Variants in DAB1 observed in about 807,000 individuals in gnomAD.
DAB1 encodes disabled homolog 1.
In DAB1, 15 loss-of-function variants were observed where a neutral mutation model predicts 64.6. The ratio of observed to expected loss-of-function variants is 0.23; its 90% confidence interval spans 0.16 to 0.36. The LOEUF (loss-of-function observed/expected upper bound fraction) is 0.36. DAB1 is among the 10% of genes least tolerant of loss of function. The pLI, the probability that DAB1 is intolerant of heterozygous loss-of-function variation, is 1.00. For synonymous variants in DAB1, 235 were observed against 251.9 expected (o/e 0.93, Z 0.64); for missense variants, 596 against 706.7 (o/e 0.84, Z 1.78).
rs375309074 is a variant in DAB1, at chr1:57,248,846, A to G, written c.67+42118T>C. 6.7e-4 allele frequency among the ~76,000 whole-genome samples: 102 copies of G among 152,316 alleles called. 1 individual carries two copies. The South Asian group carries it at 0.018, about 26-fold the overall frequency. On this transcript the variant is annotated intron_variant, in intron 2 of 14. Coordinates refer to ENST00000371236, the MANE Select transcript of DAB1 (RefSeq NM_001365792.1). ...TATATGGGATGTTATTTAACCTCCA[A>G]TGAATCTTTTGCTAGCATTTTTCCT...
chr1:57,695,565 T>C lies in DAB1; in HGVS notation n.552-45900A>G, dbSNP rs550750411. On this transcript the variant is annotated intron_variant and non_coding_transcript_variant, in intron 6 of 20. Transcript: ENST00000485760. Reference sequence around the variant, plus strand: ...CAATCAGGAAAATTGCCTGTTGGAATGTGTTGCCTTGGGAGGTTGTGAATC... The same window carrying C: ...CAATCAGGAAAATTGCCTGTTGGAACGTGTTGCCTTGGGAGGTTGTGAATC... Among the ~76,000 whole-genome samples the C allele has an allele frequency of 3.3e-5, 5 of 152,296 alleles. No homozygotes were observed. The East Asian group carries it at 9.7e-4, about 29-fold the overall frequency.
intron 5 of DAB1, among the ~76,000 whole-genome samples, chr1:57,940,143 T>G (rs1645081444): frequency 6.6e-6 from 1 of 152,188 alleles, no homozygotes. Context: ...GAGGTTCCCT[T>G]GCATAAAGTT....
intron 3 of DAB1, among the ~76,000 whole-genome samples, chr1:58,474,404 A>G (rs887164447): frequency 1.3e-5 from 2 of 152,118 alleles, no homozygotes; most frequent in Non-Finnish European, 2.9e-5. Context: ...AAGTAATGAA[A>G]AAAAAAAAGC....
intron 4 of DAB1, among the ~76,000 whole-genome samples, chr1:57,101,091 G>T (rs1654644049): frequency 6.6e-6 from 1 of 152,020 alleles, no homozygotes; most frequent in Admixed American, 6.6e-5. Context: ...ATCCACATCT[G>T]CTCACCACAG....
chr1:57,620,763 G>A (rs1570680335), intron 7 of DAB1, among the ~76,000 whole-genome samples: 1 of 152,178 alleles, frequency 6.6e-6, no homozygotes, highest in East Asian at 1.9e-4. Context: ...GAGGTAGGAG[G>A]AGGACGTAAC....
At chr1:57,093,981 C>T (rs144759824) in intron 4 of DAB1, among the ~76,000 whole-genome samples, 138 of 151,978 alleles carry the variant, frequency 9.1e-4, no homozygotes, top group Non-Finnish European at 1.7e-3. Flanking sequence ...GTGGTGTGCA[C>T]GCCTGTAATA....
At chr1:57,910,573 G>A (rs1028900698) in intron 5 of DAB1, among the ~76,000 whole-genome samples, 2 of 152,168 alleles carry the variant, frequency 1.3e-5, no homozygotes, top group African/African-American at 4.8e-5. Flanking sequence ...CCAAGTGTTA[G>A]GGAAAGGTCA....
rs1417978 is a variant in DAB1 at position 58,423,230 on chromosome 1, G to T, written n.258-79827C>A. ...CAGACAGGAATTTGAGCAATAAACT[G>T]CTCCTTTGGCCATTCCCTTGACTAC... is the stretch of plus-strand genomic sequence containing the variant. On this transcript the variant is annotated intron_variant and non_coding_transcript_variant, in intron 3 of 20. Coordinates refer to the DAB1 transcript ENST00000485760. 2.0e-3 allele frequency among the ~76,000 whole-genome samples: 311 copies of T among 152,254 alleles called. 1 individual carries two copies. Among genetic ancestry groups the T allele is most frequent in the African/African-American group, 6.9e-3 (288 of 41,518 alleles).
intron 1 of DAB1, among the ~76,000 whole-genome samples, chr1:58,545,959 A>G (rs1037180136): frequency 6.6e-6 from 1 of 152,182 alleles, no homozygotes; most frequent in Non-Finnish European, 1.5e-5. Flanking sequence ...GATGAACCTA[A>G]ATCCTTTTAG....
intron 6 of DAB1, among the ~76,000 whole-genome samples, chr1:57,786,544 A>G (rs1411685663): frequency 6.6e-6 from 1 of 152,206 alleles, no homozygotes; most frequent in Admixed American, 6.5e-5. Flanking sequence ...AAATAATAAA[A>G]GCTAATATGT....
intron 3 of DAB1, among the ~76,000 whole-genome samples, chr1:58,350,555 T>C (rs1266653904): frequency 6.6e-6 from 1 of 152,210 alleles, no homozygotes; most frequent in Non-Finnish European, 1.5e-5. Context: ...CTGAATGGTA[T>C]TGCCTAGGTT....
chr1:58,249,647 C>T (rs1487129185), intron 4 of DAB1, among the ~76,000 whole-genome samples: 2 of 152,080 alleles, frequency 1.3e-5, no homozygotes, highest in African/African-American at 4.8e-5. Flanking sequence ...CTGAACCCCC[C>T]GGAAGTCTCG....
intron 7 of DAB1, among the ~76,000 whole-genome samples, chr1:57,563,875 CA>C (rs1645084065): frequency 6.6e-6 from 1 of 152,168 alleles, no homozygotes; most frequent in Admixed American, 6.5e-5. Flanking sequence ...AGGGCATAGC[CA>C]AACAAAAGGC....
chr1:58,276,677 T>C (rs1379269820), intron 4 of DAB1, among the ~76,000 whole-genome samples: 2 of 152,160 alleles, frequency 1.3e-5, no homozygotes, highest in African/African-American at 2.4e-5. Context: ...TAGAGTCCTC[T>C]TACTCACAAA....
At chr1:58,070,001 C>A (rs1044542190) in intron 5 of DAB1, among the ~76,000 whole-genome samples, 1 of 152,200 alleles carries the variant, frequency 6.6e-6, no homozygotes, top group South Asian at 2.1e-4. Flanking sequence ...TCAGCTATCC[C>A]AGCCCAGAGA....
chr1:58,128,619 T>G (rs1094381), intron 5 of DAB1, among the ~76,000 whole-genome samples: 8,614 of 108,324 alleles, frequency 0.08, 317 homozygotes, highest in East Asian at 0.24. Context: ...TTATTATTTT[T>G]AAATACGTCC....
chr1:58,235,823 G>T (rs563776922), intron 4 of DAB1, among the ~76,000 whole-genome samples: 3 of 152,176 alleles, frequency 2.0e-5, no homozygotes, highest in Non-Finnish European at 2.9e-5. Flanking sequence ...CTGCAGTCTG[G>T]AGAGAAGTCA....
chr1:58,099,400 A>C (rs566246920), intron 5 of DAB1, among the ~76,000 whole-genome samples: 1 of 152,342 alleles, frequency 6.6e-6, no homozygotes, highest in South Asian at 2.1e-4. Context: ...GAGTGAGAGA[A>C]TGAATGAAGA....
chr1:57,895,079 TAA>T (rs79448436), intron 5 of DAB1, among the ~76,000 whole-genome samples: 12 of 141,158 alleles, frequency 8.5e-5, no homozygotes, highest in African/African-American at 7.8e-5. Context: ...CTTTGAAAGC[TAA>T]AAAAAAAAAA....
Sources: allele counts gnomAD v4.1 joint callset (sites outside exome capture counted in the v4.1 genomes callset), GRCh38; gene constraint gnomAD v4.1.1; transcripts MANE v1.5; gene names NCBI Gene and HGNC (gene_info 2026-07-23, HGNC 2026-07-21).